Variants in ADK observed in about 807,000 individuals in gnomAD.
ADK encodes the protein N6,N6-dimethyladenosine kinase.
A neutral mutation model predicts 44.7 loss-of-function variants in ADK; 24 were observed. That is an observed-to-expected ratio of 0.54 (90% CI 0.39 to 0.76). The LOEUF (loss-of-function observed/expected upper bound fraction) is 0.76. Among genes scored for constraint, ADK ranks in the 30% least tolerant of loss-of-function variants. ADK has a pLI of 0.00. For synonymous variants in ADK, 128 were observed against 142.6 expected, an observed-to-expected ratio of 0.90 and a Z score of 0.73; for missense variants, 321 against 425.1, an observed-to-expected ratio of 0.76 and a Z score of 2.15.
chr10:74,155,961 C>A (rs1841738610), intron 1 of ADK, among the ~76,000 whole-genome samples: 1 of 152,152 alleles, frequency 6.6e-6, no homozygotes, highest in Non-Finnish European at 1.5e-5. Flanking sequence ...CTTATATTCG[C>A]AAATTTAATC....
chr10:74,500,250 T>C (rs571115365), intron 6 of ADK, among the ~76,000 whole-genome samples: 1 of 152,342 alleles, frequency 6.6e-6, no homozygotes, highest in East Asian at 1.9e-4. Context: ...CAATACAGTG[T>C]TCTGTATTAC....
chr10:74,372,017 T>G (rs1316252617), intron 4 of ADK: 1 of 776,644 alleles, frequency 1.3e-6, no homozygotes, highest in Non-Finnish European at 2.3e-6. Flanking sequence ...ACATTGCCAT[T>G]CTATGCAACA....
chr10:74,404,322 T>G (rs914065774), intron 6 of ADK, among the ~76,000 whole-genome samples: 12 of 152,158 alleles, frequency 7.9e-5, no homozygotes, highest in African/African-American at 2.9e-4. Context: ...AAAGACTTAA[T>G]AAGAAAAAAT....
intron 6 of ADK, among the ~76,000 whole-genome samples, chr10:74,498,122 C>T (rs1847757181): frequency 6.6e-6 from 1 of 151,204 alleles, no homozygotes; most frequent in African/African-American, 2.4e-5. Context: ...ATCTCCTGAC[C>T]TCATGATCCA....
intron 10 of ADK, among the ~76,000 whole-genome samples, chr10:74,692,917 A>T (rs1856044866): frequency 6.6e-6 from 1 of 152,140 alleles, no homozygotes; most frequent in Non-Finnish European, 1.5e-5. Context: ...GCAACTCAAG[A>T]CTGTATATCA....
At chr10:74,239,392 A>G (rs755984305) in intron 3 of ADK, among the ~76,000 whole-genome samples, 3 of 152,112 alleles carry the variant, frequency 2.0e-5, no homozygotes, top group Non-Finnish European at 2.9e-5. Flanking sequence ...GATGAAGACA[A>G]TGGCTATGGG....
intron 10 of ADK, among the ~76,000 whole-genome samples, chr10:74,677,093 A>C (rs1855418583): frequency 6.6e-6 from 1 of 152,094 alleles, no homozygotes; most frequent in African/African-American, 2.4e-5. Context: ...AAAAATAAAA[A>C]AATTAGCTGG....
At chr10:74,387,309 C>T (rs142924882) in intron 4 of ADK, among the ~76,000 whole-genome samples, 46 of 152,266 alleles carry the variant, frequency 3.0e-4, no homozygotes, top group African/African-American at 9.6e-4. Context: ...GAATCTTTGA[C>T]GGTTTCTGTG....
chr10:74,629,786 G>C (rs1310495302), intron 9 of ADK, among the ~76,000 whole-genome samples: 1 of 152,112 alleles, frequency 6.6e-6, no homozygotes, highest in African/African-American at 2.4e-5. Context: ...ACTGGTTTGT[G>C]AAATACAAAT....
intron 6 of ADK, among the ~76,000 whole-genome samples, chr10:74,451,797 G>C (rs1221551633): frequency 6.6e-6 from 1 of 151,996 alleles, no homozygotes; most frequent in Admixed American, 6.6e-5. Flanking sequence ...TAAAATGAAG[G>C]AACAAAATAC....
chr10:74,495,520 G>A (rs1220094193), intron 6 of ADK, among the ~76,000 whole-genome samples: 1 of 152,090 alleles, frequency 6.6e-6, no homozygotes, highest in Non-Finnish European at 1.5e-5. Flanking sequence ...AAGGAAAAAT[G>A]GATTCTCTAA....
In ADK at chr10:74,348,390, C is replaced by T. The variant is rs531429348; in HGVS notation, c.273+33645C>T. On this transcript the variant is annotated intron_variant, in intron 4 of 10. Transcript: ENST00000539909. ...AGCAAACAGAAAGCAACAAACTCAA[C>T]ATCAACAAAAAGGACCCCCACACAA... Among the ~76,000 whole-genome samples, 21 of 152,280 alleles carry T rather than the reference C, an allele frequency of 1.4e-4. 1 individual carries two copies. The South Asian group carries it at 4.1e-3, about 30-fold the overall frequency.
chr10:74,249,236 G>A (rs1845551484), intron 3 of ADK, among the ~76,000 whole-genome samples: 1 of 152,054 alleles, frequency 6.6e-6, no homozygotes, highest in Non-Finnish European at 1.5e-5. Flanking sequence ...TTTCTTTAAT[G>A]TTTTTTAGGC....
intron 6 of ADK, among the ~76,000 whole-genome samples, chr10:74,442,233 A>G (rs768495181): frequency 6.6e-6 from 1 of 152,226 alleles, no homozygotes; most frequent in Non-Finnish European, 1.5e-5. Context: ...CATGTGGAAA[A>G]AAGGGATCCC....
At chr10:74,345,461 T>C (rs1317488894) in intron 4 of ADK, among the ~76,000 whole-genome samples, 1 of 152,070 alleles carries the variant, frequency 6.6e-6, no homozygotes, top group African/African-American at 2.4e-5. Context: ...GTGCATACCA[T>C]CATGCTTGGC....
rs137875300 is a variant in ADK, at chr10:74,613,667, G to A, written c.877+13174G>A. Among the ~76,000 whole-genome samples, 916 of 152,186 alleles carry A rather than the reference G, an allele frequency of 6.0e-3. 6 individuals carry two copies. Among genetic ancestry groups the A allele is most frequent in the African/African-American group, 0.021 (880 of 41,536 alleles). ...TTCATGTTCTATGAAAACACTCAAT[G>A]CTGCCCATTACTCTGTAAGAAAAGG... On this transcript the variant is annotated intron_variant, in intron 9 of 10. Coordinates refer to ENST00000539909, the MANE Select transcript of ADK (RefSeq NM_006721.4).
chr10:74,421,580 T>C (rs1592187855), intron 6 of ADK, among the ~76,000 whole-genome samples: 1 of 152,162 alleles, frequency 6.6e-6, no homozygotes, highest in Non-Finnish European at 1.5e-5. Flanking sequence ...AGCAGTGATA[T>C]CCCAGTAGCC....
intron 4 of ADK, among the ~76,000 whole-genome samples, chr10:74,336,442 T>C (rs1046324603): frequency 2.6e-4 from 39 of 152,190 alleles, no homozygotes; most frequent in Admixed American, 2.2e-3. Flanking sequence ...GTTTGTTTTT[T>C]TTGCTGTCTA....
chr10:74,416,031 T>TAC (rs1242450172), intron 6 of ADK, among the ~76,000 whole-genome samples: 490 of 82,844 alleles, frequency 5.9e-3, no homozygotes, highest in Admixed American at 0.015. Context: ...CACATACATA[T>TAC]ATACACACAC....
Sources: gnomAD v4.1 joint callset for allele counts (sites outside exome capture counted in the v4.1 genomes callset) on GRCh38, gnomAD v4.1.1 for gene constraint, MANE v1.5 for transcripts, NCBI Gene and HGNC (gene_info 2026-07-23, HGNC 2026-07-21) for gene names.